The following QRSL1 variants were observed in gnomAD, a reference collection of about 807,000 sequenced individuals.
The protein encoded by QRSL1 is glutaminyl-tRNA amidotransferase subunit QRSL1.
In QRSL1, 54 loss-of-function variants were observed where a neutral mutation model predicts 61.6. That is an observed-to-expected ratio of 0.88 (90% CI 0.70 to 1.10). The LOEUF is 1.10. Among genes scored for constraint, QRSL1 ranks in the 50% least tolerant of loss-of-function variants. QRSL1 has a pLI of 0.00. For missense variants in QRSL1, 505 were observed against 622.6 expected, an observed-to-expected ratio of 0.81 and a Z score of 2.01; for synonymous variants, 228 against 225.7, an observed-to-expected ratio of 1.01 and a Z score of -0.09.
chr6:106,665,156 C>G (rs986570609), intron 10 of QRSL1, among the ~76,000 whole-genome samples: 1 of 152,102 alleles, frequency 6.6e-6, no homozygotes, highest in African/African-American at 2.4e-5. Context: ...TTTTTGAAAA[C>G]TTGTTTTATT....
chr6:106,631,846 C>T (rs560442206), intron 1 of QRSL1, among the ~76,000 whole-genome samples: 2 of 152,228 alleles, frequency 1.3e-5, no homozygotes, highest in Non-Finnish European at 2.9e-5. Context: ...TATTTTTAAA[C>T]GTACAATAAA....
At chr6:106,650,033 T>A (rs1051749746) in intron 5 of QRSL1, among the ~76,000 whole-genome samples, 1 of 152,208 alleles carries the variant, frequency 6.6e-6, no homozygotes, top group South Asian at 2.1e-4. Context: ...TCTACAGATT[T>A]TTTTTCAGTT....
chr6:106,650,921 T>A (rs1409742753), intron 5 of QRSL1, among the ~76,000 whole-genome samples: 1 of 152,228 alleles, frequency 6.6e-6, no homozygotes, highest in Non-Finnish European at 1.5e-5. Context: ...CAACTTCTGT[T>A]TTCCTGAAAT....
intron 1 of QRSL1, among the ~76,000 whole-genome samples, chr6:106,639,696 C>A (rs77922166): frequency 0.019 from 2,921 of 152,252 alleles, 101 homozygotes; most frequent in African/African-American, 0.066. Flanking sequence ...TTAGGCCCTA[C>A]TTCCTGTCAA....
At chr6:106,662,850 G>A (rs1777377707) in intron 9 of QRSL1, 130 bp from the exon 10 acceptor site, 2 of 810,816 alleles carry the variant, frequency 2.5e-6, no homozygotes, top group Non-Finnish European at 3.9e-6. Flanking sequence ...GCATTACACA[G>A]GCAAGCCAAA....
chr6:106,645,771 T>A (rs948638998), intron 4 of QRSL1, among the ~76,000 whole-genome samples: 5 of 152,252 alleles, frequency 3.3e-5, no homozygotes, highest in African/African-American at 4.8e-5. Context: ...TCTAATTGTT[T>A]ATTGCTAGTA....
Position 106,665,826 on chromosome 6 carries a change from T to C in QRSL1, c.1411T>C (p.Leu471=). 6.2e-7 allele frequency: 1 copy of C among 1,613,948 alleles called. No individual in the cohort carries two copies. The highest frequency in any genetic ancestry group is 8.5e-7 in the Non-Finnish European group (1 of 1,179,858). The change falls in exon 11 of 11, where the codon TTG becomes CTG. Residue 471 remains leucine (L), a synonymous_variant. Transcript: ENST00000369046. ...SIPVALSNQG[L]PIGLQFIGRA... ...CCCTGTTGCACTCTCAAACCAAGGGTTGCCAATAGGACTGCAGTTTATTGG... is the reference window on the plus strand; with the variant it reads ...CCCTGTTGCACTCTCAAACCAAGGGCTGCCAATAGGACTGCAGTTTATTGG...
At chr6:106,656,034 A>C (rs1191034033) in intron 9 of QRSL1, among the ~76,000 whole-genome samples, 7 of 152,222 alleles carry the variant, frequency 4.6e-5, no homozygotes, top group Non-Finnish European at 7.3e-5. Flanking sequence ...CCCAACAATA[A>C]AAAGTAATAC....
intron 8 of QRSL1, 119 bp downstream of exon 8, chr6:106,655,041 C>T (rs2114713185): frequency 2.2e-6 from 2 of 913,908 alleles, no homozygotes; most frequent in African/African-American, 1.7e-5. Flanking sequence ...AAAAGTTCAT[C>T]AGTGAATCAT....
intron 4 of QRSL1, among the ~76,000 whole-genome samples, chr6:106,646,357 AG>A (rs200849795): frequency 0.01 from 1,581 of 152,300 alleles, 36 homozygotes; most frequent in African/African-American, 0.036. Flanking sequence ...AGAATGTGTA[AG>A]CTGACTCTAA....
intron 1 of QRSL1, among the ~76,000 whole-genome samples, chr6:106,638,764 C>A (rs1776962418): frequency 6.6e-6 from 1 of 152,168 alleles, no homozygotes. Flanking sequence ...CATTAGGGAT[C>A]CTCTTGATGA....
In QRSL1 at chr6:106,629,628, A is replaced by G. The variant is rs112005113; in HGVS notation, c.-54A>G. ...CATGTAACATCACTAGCGACCGGTG[A>G]CCTCTTTTTCCCCCTTGCCTGGCTC... On this transcript the variant is annotated 5_prime_UTR_variant, in exon 1 of 11. Coordinates refer to ENST00000369046, the MANE Select transcript of QRSL1 (RefSeq NM_018292.5). 8 of 1,573,608 alleles carry G rather than the reference A, an allele frequency of 5.1e-6. No individual in the cohort carries two copies. The highest frequency in any genetic ancestry group is 6.9e-6 in the Non-Finnish European group (8 of 1,160,554).
Position 106,652,550 on chromosome 6 carries a change from G to A in QRSL1, c.817G>A (p.Asp273Asn), listed in dbSNP as rs1777205441. The A allele has an allele frequency of 1.9e-6, 3 of 1,614,202 alleles. No individual in the cohort carries two copies. Among genetic ancestry groups the A allele is most frequent in the Non-Finnish European group, 2.5e-6 (3 of 1,180,044 alleles). Residue 273 changes from aspartate (D) to asparagine (N), a missense_variant, in exon 7 of 11, where the codon GAT becomes AAT. Coordinates refer to ENST00000369046, the MANE Select transcript of QRSL1 (RefSeq NM_018292.5). ...NKPFMLPSLA[D>N]VSKLCIGIPK... ...ACCATTCATGCTTCCCAGTTTGGCAGATGTGAGCAAACTATGTATAGGAAT... is the reference window on the plus strand; with the variant it reads ...ACCATTCATGCTTCCCAGTTTGGCAAATGTGAGCAAACTATGTATAGGAAT...
chr6:106,646,774 A>G (rs1298266969), intron 4 of QRSL1, among the ~76,000 whole-genome samples: 1 of 152,172 alleles, frequency 6.6e-6, no homozygotes, highest in Non-Finnish European at 1.5e-5. Context: ...CACACCTGTA[A>G]TCCCAGCACT....
In QRSL1 at chr6:106,666,808, T is replaced by G. The variant is rs538186166; in HGVS notation, c.*806T>G. 2.0e-5 allele frequency: 3 copies of G among 152,386 alleles called. No individual in the cohort carries two copies. Among genetic ancestry groups the G allele is most frequent in the East Asian group, 3.9e-4 (2 of 5,182 alleles). 9.4% of individuals were successfully genotyped at this position (152,386 alleles called of 1,614,324 possible). Reference sequence around the variant, plus strand: ...AGCAGAGCAGGTGGAAGAGGAACTTTGAGCACAGGAGGAAATGCAACCAGT... The same window carrying G: ...AGCAGAGCAGGTGGAAGAGGAACTTGGAGCACAGGAGGAAATGCAACCAGT... On this transcript the variant is annotated 3_prime_UTR_variant, in exon 11 of 11. Transcript: ENST00000369046.
intron 4 of QRSL1, among the ~76,000 whole-genome samples, chr6:106,647,577 G>A (rs1331024071): frequency 3.1e-5 from 4 of 129,322 alleles, no homozygotes; most frequent in Non-Finnish European, 5.1e-5. Context: ...AAAAAAGAGA[G>A]AGACAATGAT....
intron 1 of QRSL1, among the ~76,000 whole-genome samples, chr6:106,633,519 G>A (rs1347333312): frequency 6.6e-6 from 1 of 152,090 alleles, no homozygotes; most frequent in Admixed American, 6.6e-5. Flanking sequence ...GGATGTGAGT[G>A]GAAGCTTATG....
In QRSL1 at chr6:106,640,333, A is replaced by G. The variant is rs1256086709; in HGVS notation, c.25-16A>G. ...TGCAGACTCAGTAAAAGGTTTTTGA[A>G]TTGTATACACTATAGGTTTCTGCGG... On this transcript the variant is annotated splice_polypyrimidine_tract_variant and intron_variant, in intron 1 of 10. Transcript: ENST00000369046. 1.9e-6 allele frequency: 3 copies of G among 1,603,142 alleles called. No individual in the cohort carries two copies. Among genetic ancestry groups the G allele is most frequent in the Non-Finnish European group, 1.7e-6 (2 of 1,173,646 alleles).
chr6:106,657,665 A>C lies in QRSL1; in HGVS notation c.1160+1933A>C, dbSNP rs374542599. 3.3e-5 allele frequency among the ~76,000 whole-genome samples: 5 copies of C among 152,162 alleles called. No individual in the cohort carries two copies. The East Asian group carries it at 5.8e-4, about 18-fold the overall frequency. On this transcript the variant is annotated intron_variant, in intron 9 of 10. Coordinates refer to ENST00000369046, the MANE Select transcript of QRSL1 (RefSeq NM_018292.5). ...TGATAGGAAAAATGGGATTCGGAAT[A>C]CTTTTTTTATTTTAAAAAGTCAACT...
Sources: allele counts gnomAD v4.1 joint callset (sites outside exome capture counted in the v4.1 genomes callset), GRCh38; gene constraint gnomAD v4.1.1; transcripts MANE v1.5; gene names NCBI Gene and HGNC (gene_info 2026-07-23, HGNC 2026-07-21).